The following SLC24A2 variants were observed in gnomAD, a reference collection of about 807,000 sequenced individuals.
SLC24A2 encodes sodium/potassium/calcium exchanger 2.
Under a neutral mutation model 62.0 loss-of-function variants are expected in SLC24A2, and 36 were observed. The observed-to-expected ratio is 0.58, with a 90% CI of 0.44 to 0.77. The LOEUF (loss-of-function observed/expected upper bound fraction) is 0.77, where lower values mean the gene tolerates loss of function less well. SLC24A2 is among the 30% of genes least tolerant of loss of function. SLC24A2 has a pLI of 0.00. For synonymous variants in SLC24A2, 358 were observed against 294.0 expected (o/e 1.22, Z -2.23); for missense variants, 846 against 817.9 (o/e 1.03, Z -0.42).
At chr9:19,608,759 ATCTCTC>A (rs376784162) in intron 4 of SLC24A2, among the ~76,000 whole-genome samples, 5 of 146,800 alleles carry the variant, frequency 3.4e-5, no homozygotes, top group Admixed American at 6.8e-5. Context: ...CTGCACTGAA[ATCTCTC>A]TCTCTCTCTC....
intron 2 of SLC24A2, among the ~76,000 whole-genome samples, chr9:19,740,371 T>C (rs890789646): frequency 1.3e-5 from 2 of 152,206 alleles, no homozygotes; most frequent in Non-Finnish European, 2.9e-5. Flanking sequence ...TGTAGTGTAT[T>C]CTTACAATGA....
At chr9:19,979,217 T>C in the SLC24A2 span, among the ~76,000 whole-genome samples, 2 of 152,218 alleles carry the variant, frequency 1.3e-5, no homozygotes, top group Non-Finnish European at 2.9e-5. Flanking sequence ...AACTTTCATG[T>C]GCATATACAT....
the SLC24A2 span, among the ~76,000 whole-genome samples, chr9:20,268,123 G>A: frequency 6.6e-6 from 1 of 152,202 alleles, no homozygotes; most frequent in African/African-American, 2.4e-5. Flanking sequence ...ACATTGGCTT[G>A]AGAAGATTAA....
the SLC24A2 span, among the ~76,000 whole-genome samples, chr9:20,082,500 T>C: frequency 6.6e-6 from 1 of 152,366 alleles, no homozygotes; most frequent in East Asian, 1.9e-4. Context: ...CATCGCATCC[T>C]TGCCAGGAGC....
intron 2 of SLC24A2, among the ~76,000 whole-genome samples, chr9:19,707,108 T>C (rs1820553084): frequency 2.0e-5 from 3 of 151,368 alleles, no homozygotes; most frequent in African/African-American, 7.3e-5. Flanking sequence ...CAAACTACCA[T>C]CAGAGAATAC....
chr9:20,153,247 T>C, the SLC24A2 span, among the ~76,000 whole-genome samples: 4 of 151,934 alleles, frequency 2.6e-5, no homozygotes, highest in Admixed American at 1.3e-4. Context: ...ACTGAGACTG[T>C]AGGAGAAACT....
chr9:20,249,646 A>C, the SLC24A2 span, among the ~76,000 whole-genome samples: 1 of 145,578 alleles, frequency 6.9e-6, no homozygotes, highest in African/African-American at 2.6e-5. Flanking sequence ...CAGAGGCTAC[A>C]GTGAGCTACG....
the SLC24A2 span, among the ~76,000 whole-genome samples, chr9:20,056,014 G>T: frequency 5.3e-5 from 8 of 152,162 alleles, no homozygotes; most frequent in African/African-American, 1.9e-4. Flanking sequence ...TAAAAATTTA[G>T]AAATTGAAGT....
intron 10 of SLC24A2, among the ~76,000 whole-genome samples, chr9:19,517,517 G>A (rs369394452): frequency 2.0e-5 from 3 of 152,198 alleles, no homozygotes; most frequent in African/African-American, 7.2e-5. Flanking sequence ...GGCAGAGCCC[G>A]TGCATTGTGG....
the SLC24A2 span, among the ~76,000 whole-genome samples, chr9:19,839,077 G>A: frequency 5.3e-5 from 8 of 152,210 alleles, no homozygotes; most frequent in East Asian, 1.9e-4. Flanking sequence ...AAAAGGGGGC[G>A]AAGTATATGA....
intron 4 of SLC24A2, among the ~76,000 whole-genome samples, chr9:19,602,913 T>A (rs1836879163): frequency 6.6e-6 from 1 of 152,232 alleles, no homozygotes; most frequent in African/African-American, 2.4e-5. Flanking sequence ...TAGTTATTCC[T>A]GTTGTCACTA....
chr9:19,621,290 T>C (rs1297038786), intron 3 of SLC24A2, among the ~76,000 whole-genome samples: 2 of 152,198 alleles, frequency 1.3e-5, no homozygotes, highest in Non-Finnish European at 2.9e-5. Context: ...GGTGCCTCAA[T>C]GGTGAACCAG....
At chr9:20,053,297 C>A in the SLC24A2 span, among the ~76,000 whole-genome samples, 1 of 152,078 alleles carries the variant, frequency 6.6e-6, no homozygotes, top group Non-Finnish European at 1.5e-5. Context: ...CCTTGGAGGG[C>A]TATATAACCA....
Position 19,509,945 on chromosome 9 carries a change from A to G in SLC24A2, c.*6208T>C, listed in dbSNP as rs1271447008. 1.3e-5 allele frequency: 2 copies of G among 152,210 alleles called. No homozygotes were observed. The highest frequency in any genetic ancestry group is 2.9e-5 in the Non-Finnish European group (2 of 68,036). 9.4% of individuals were successfully genotyped at this position (152,210 alleles called of 1,614,324 possible). On this transcript the variant is annotated 3_prime_UTR_variant, in exon 11 of 11. Coordinates refer to ENST00000341998, the MANE Select transcript of SLC24A2 (RefSeq NM_020344.4). ...CCTATCCAACCTACCACACAAAAGG[A>G]TATAAACACACTGCAGTACTGGTTA... is the stretch of plus-strand genomic sequence containing the variant.
At chr9:20,261,414 G>C in the SLC24A2 span, among the ~76,000 whole-genome samples, 15 of 152,184 alleles carry the variant, frequency 9.9e-5, no homozygotes, top group African/African-American at 3.6e-4. Flanking sequence ...GGATAGGCCA[G>C]CAAGCATGTG....
chr9:19,934,396 C>T, the SLC24A2 span, among the ~76,000 whole-genome samples: 2 of 152,146 alleles, frequency 1.3e-5, no homozygotes, highest in Non-Finnish European at 2.9e-5. This position sits in a 1 kb window ranked among gnomAD's most constrained non-coding sequence, Gnocchi z 4.1. Context: ...AGACACATGC[C>T]CTGCACCGGT....
intron 2 of SLC24A2, among the ~76,000 whole-genome samples, chr9:19,636,315 T>TTTTCTTTTCTTTCCTTTCTTTC: frequency 3.7e-4 from 15 of 40,320 alleles, no homozygotes; most frequent in African/African-American, 1.7e-3. Context: ...TTTTCTTTTC[T>TTTTCTTTTCTTTCCTTTCTTTC]TTTCTTTCTT....
At chr9:19,918,866 G>A in the SLC24A2 span, among the ~76,000 whole-genome samples, 2 of 152,118 alleles carry the variant, frequency 1.3e-5, no homozygotes, top group Admixed American at 1.3e-4. Context: ...ACCACCAAAC[G>A]CCTATAAAAA....
At chr9:20,240,396 TA>T in the SLC24A2 span, among the ~76,000 whole-genome samples, 2 of 152,014 alleles carry the variant, frequency 1.3e-5, no homozygotes, top group East Asian at 3.9e-4. Flanking sequence ...AGGAAATATA[TA>T]AATGAACTTG....
Sources: gnomAD v4.1 joint callset for allele counts (sites outside exome capture counted in the v4.1 genomes callset) on GRCh38, gnomAD v4.1.1 for gene constraint, Gnocchi (gnomAD v3.1) non-coding constraint, MANE v1.5 for transcripts, NCBI Gene and HGNC (gene_info 2026-07-23, HGNC 2026-07-21) for gene names.